Variants in NAV3 observed in about 807,000 individuals in gnomAD.
The protein encoded by NAV3 is pore membrane and/or filament interacting like protein 1.
A neutral mutation model predicts 244.7 loss-of-function variants in NAV3; 87 were observed. That is an observed-to-expected ratio of 0.36 (90% confidence interval 0.30 to 0.42). The LOEUF (loss-of-function observed/expected upper bound fraction) is 0.42, where lower values mean the gene tolerates loss of function less well. Ranked by LOEUF, NAV3 falls within the 20% of genes least tolerant of loss-of-function variation. The pLI is 1.00. For missense variants in NAV3, 2,663 were observed against 2,893.3 expected (o/e 0.92, Z 1.83); for synonymous variants, 1,126 against 1,042.2 (o/e 1.08, Z -1.55).
rs10602394 is a variant in NAV3 at position 77,929,798 on chromosome 12, ATTTTTT to A, written c.244-10504_244-10499del. On this transcript the variant is annotated intron_variant, in intron 1 of 39. Transcript: ENST00000397909. ...CAGGCACCCGCCACCACGGCCAGCT[ATTTTTT>A]TTTTTTTTTTTTTTTTGTATTTTTA... Among the ~76,000 whole-genome samples the A allele has an allele frequency of 1.2e-4, 13 of 106,002 alleles. No homozygotes were observed. The South Asian group carries it at 1.4e-3, about 11-fold the overall frequency. The allele number at this position is 106,002 out of a possible 152,430, so 69.5% of individuals were successfully genotyped here. A position where few individuals can be genotyped will look rare whatever the true frequency, so the allele number is the denominator to read the frequency against.
At chr12:77,826,964 G>A (rs555633618), upstream of NAV3, among the ~76,000 whole-genome samples, 5 of 152,306 alleles carry the variant, frequency 3.3e-5, no homozygotes, top group South Asian at 1.0e-3. Flanking sequence ...GTTCACGCTT[G>A]TAATCCCAGC....
At chr12:78,058,934 A>C in intron 11 of NAV3, 62 bp from the exon 12 acceptor site, 1 of 1,424,966 alleles carries the variant, frequency 7.0e-7, no homozygotes, top group South Asian at 1.6e-5. Flanking sequence ...TTGTTTATTA[A>C]GTTAAATTGT....
intron 31 of NAV3, 126 bp downstream of exon 31, chr12:78,185,824 C>A: frequency 1.4e-6 from 1 of 726,478 alleles, no homozygotes; most frequent in Non-Finnish European, 2.2e-6. Flanking sequence ...ATTAGCTTAA[C>A]ATGTCATACA....
intron 1 of NAV3, among the ~76,000 whole-genome samples, chr12:77,920,606 A>G (rs759927550): frequency 1.3e-5 from 2 of 152,058 alleles, no homozygotes; most frequent in Non-Finnish European, 2.9e-5. Context: ...TTTGAAAATT[A>G]GAATTATCAG....
At chr12:77,977,989 GC>G (rs1868830433) in intron 5 of NAV3, among the ~76,000 whole-genome samples, 1 of 151,910 alleles carries the variant, frequency 6.6e-6, no homozygotes, top group African/African-American at 2.4e-5. Flanking sequence ...AGTTTAAAAT[GC>G]TTTTTATGTT....
chr12:77,621,196 T>C (rs1318718964), intron 2 of NAV3, among the ~76,000 whole-genome samples: 1 of 152,220 alleles, frequency 6.6e-6, no homozygotes, highest in African/African-American at 2.4e-5. Flanking sequence ...ATTTCTCCTA[T>C]ATTTTCTAGA....
intron 2 of NAV3, among the ~76,000 whole-genome samples, chr12:77,652,071 C>T (rs1300750476): frequency 2.0e-5 from 3 of 152,194 alleles, no homozygotes; most frequent in Admixed American, 2.0e-4. Context: ...TGGGATTTAA[C>T]ATCACTCTAC....
chr12:77,710,770 T>C (rs1876071107), intron 2 of NAV3, among the ~76,000 whole-genome samples: 2 of 152,168 alleles, frequency 1.3e-5, no homozygotes, highest in Admixed American at 6.5e-5. Context: ...AAAATGGCAC[T>C]TTATATTATT....
chr12:77,999,687 T>G (rs1872910960), intron 7 of NAV3, among the ~76,000 whole-genome samples: 1 of 152,154 alleles, frequency 6.6e-6, no homozygotes, highest in African/African-American at 2.4e-5. Context: ...AAGTTAGGAA[T>G]GTTTTCTTTA....
At chr12:77,630,854 A>G (rs1565744475) in intron 2 of NAV3, among the ~76,000 whole-genome samples, 1 of 152,186 alleles carries the variant, frequency 6.6e-6, no homozygotes, top group Non-Finnish European at 1.5e-5. Flanking sequence ...TAGGTGAACA[A>G]CTTGCTGCTC....
At chr12:78,182,644 T>C (rs192565577) in intron 30 of NAV3, among the ~76,000 whole-genome samples, 1 of 152,104 alleles carries the variant, frequency 6.6e-6, no homozygotes, top group Non-Finnish European at 1.5e-5. Flanking sequence ...TCTATGTTTA[T>C]TGGTCTTAAC....
intron 12 of NAV3, among the ~76,000 whole-genome samples, chr12:78,112,560 C>G (rs557378775): frequency 1.8e-4 from 27 of 152,102 alleles, no homozygotes; most frequent in African/African-American, 6.3e-4. Flanking sequence ...GGGGAAAAAC[C>G]CCTTATAAAA....
intron 2 of NAV3, among the ~76,000 whole-genome samples, chr12:77,680,352 C>T (rs1874396488): frequency 6.6e-6 from 1 of 152,090 alleles, no homozygotes; most frequent in Admixed American, 6.6e-5. Context: ...CTGTTTGCAT[C>T]TTTCCACCTC....
At chr12:77,921,554 C>T (rs375401899) in intron 1 of NAV3, among the ~76,000 whole-genome samples, 1 of 152,000 alleles carries the variant, frequency 6.6e-6, no homozygotes, top group Admixed American at 6.6e-5. Context: ...CAGTTTGGAA[C>T]CGACTTGGGA....
chr12:78,179,603 A>C lies in NAV3; in HGVS notation c.5438A>C (p.Lys1813Thr). 1 of 1,613,420 alleles carries C rather than the reference A, an allele frequency of 6.2e-7. No homozygotes were observed. Among genetic ancestry groups the C allele is most frequent in the Non-Finnish European group, 8.5e-7 (1 of 1,179,554 alleles). ...AGCGAGCTCAGAGAAAAGGAATTAA[A>C]ATTAACGGATATTCGGCTGGAGGCC... ...LKSELREKEL[K>T]LTDIRLEALS... is the part of the protein sequence containing the mutation. The change falls in exon 29 of 40, where the codon AAA (lysine) becomes ACA (threonine). Residue 1813 changes from lysine to threonine, a missense_variant. Transcript: ENST00000397909.
chr12:77,781,403 C>G (rs1353569061), intron 2 of NAV3, among the ~76,000 whole-genome samples: 1 of 152,104 alleles, frequency 6.6e-6, no homozygotes. Flanking sequence ...ATGATAAAAC[C>G]TTATAACCCT....
At chr12:77,673,372 A>G (rs1874074725) in intron 2 of NAV3, among the ~76,000 whole-genome samples, 1 of 152,154 alleles carries the variant, frequency 6.6e-6, no homozygotes, top group Non-Finnish European at 1.5e-5. Context: ...TATAGTATAT[A>G]TAGTAATTTC....
chr12:77,614,076 T>A (rs200679925), intron 2 of NAV3, among the ~76,000 whole-genome samples: 5 of 34,752 alleles, frequency 1.4e-4, no homozygotes, highest in Non-Finnish European at 2.8e-4. Flanking sequence ...CTTTCTCTCT[T>A]TTTTTTTTTT....
chr12:77,679,938 A>C (rs1223879505), intron 2 of NAV3, among the ~76,000 whole-genome samples: 2 of 152,114 alleles, frequency 1.3e-5, no homozygotes, highest in Admixed American at 1.3e-4. Context: ...ATCGAACCAG[A>C]AGTAATGGGC....
Sources: allele counts gnomAD v4.1 joint callset (sites outside exome capture counted in the v4.1 genomes callset), GRCh38; gene constraint gnomAD v4.1.1; transcripts MANE v1.5; gene names NCBI Gene and HGNC (gene_info 2026-07-23, HGNC 2026-07-21).